Variants in EPHB2 observed in about 807,000 individuals in gnomAD.
The protein encoded by EPHB2 is ephrin type-B receptor 2.
EPHB2 carries 18 observed loss-of-function variants against 96.4 expected under a neutral mutation model. The observed-to-expected ratio is 0.19, with a 90% CI of 0.13 to 0.28. The LOEUF (loss-of-function observed/expected upper bound fraction) is 0.28, where lower values mean the gene tolerates loss of function less well. Among genes scored for constraint, EPHB2 ranks in the 10% least tolerant of loss-of-function variants. The pLI, the probability that EPHB2 is intolerant of heterozygous loss-of-function variation, is 1.00. For missense variants in EPHB2, 989 were observed against 1,355.4 expected, an observed-to-expected ratio of 0.73 and a Z score of 4.25; for synonymous variants, 506 against 534.1, an observed-to-expected ratio of 0.95 and a Z score of 0.72.
At chr1:22,794,396 C>T (rs971687899) in intron 3 of EPHB2, among the ~76,000 whole-genome samples, 8 of 152,124 alleles carry the variant, frequency 5.3e-5, no homozygotes, top group Admixed American at 2.0e-4. Context: ...GGCTTCCCCA[C>T]CCTGGCTGAC....
intron 3 of EPHB2, among the ~76,000 whole-genome samples, chr1:22,852,369 C>T (rs1302707598): frequency 2.6e-5 from 4 of 152,210 alleles, no homozygotes; most frequent in South Asian, 4.1e-4. Context: ...GCTTGGTCAA[C>T]GCTGCCTGCC....
At chr1:22,727,627 T>G (rs1038301078) in intron 1 of EPHB2, among the ~76,000 whole-genome samples, 4 of 152,074 alleles carry the variant, frequency 2.6e-5, no homozygotes, top group Non-Finnish European at 5.9e-5. Flanking sequence ...CACACAGAGA[T>G]AGTGGCACGG....
At position 22,720,924 on chromosome 1, in the gene EPHB2, C is replaced by T. The variant is rs567092500; in HGVS notation, c.61+9881C>T. On this transcript the variant is annotated intron_variant, in intron 1 of 15. Coordinates refer to ENST00000374630, the MANE Select transcript of EPHB2 (RefSeq NM_017449.5). Reference sequence around the variant, plus strand: ...GTGGGATTGAACTGAAAAGATGGGTCCCTGGTGCTCCTGTGGCCTGGGGCA... The same window carrying T: ...GTGGGATTGAACTGAAAAGATGGGTTCCTGGTGCTCCTGTGGCCTGGGGCA... 2.6e-5 allele frequency among the ~76,000 whole-genome samples: 4 copies of T among 152,170 alleles called. No homozygotes were observed. In the South Asian group the frequency reaches 8.3e-4, roughly 32 times the overall value.
intron 3 of EPHB2, among the ~76,000 whole-genome samples, chr1:22,808,148 GAAAA>G (rs1433624556): frequency 6.6e-6 from 1 of 150,772 alleles, no homozygotes; most frequent in East Asian, 1.9e-4. Context: ...AAAAGAAAAA[GAAAA>G]AGAAAAGAAA....
At position 22,913,263 on chromosome 1, in the gene EPHB2, T is replaced by G; in HGVS notation, c.2853-199T>G. On this transcript the variant is annotated intron_variant, in intron 15 of 15. Transcript: ENST00000374630. This position sits in a 1 kb window ranked among gnomAD's most constrained non-coding sequence, Gnocchi z 4.1. The stretch of plus-strand genomic sequence containing the variant: ...GGGAGAGAAGGCCCCCTAGGGACCC[T>G]GATTCCGACTCAAGTGCTCTTCCAC... 2 of 661,044 alleles carry G rather than the reference T, an allele frequency of 3.0e-6. No individual in the cohort carries two copies. The highest frequency in any genetic ancestry group is 3.7e-5 in the South Asian group (2 of 54,792). 40.9% of individuals were successfully genotyped at this position (661,044 alleles called of 1,614,324 possible).
At chr1:22,874,578 G>A (rs765086765) in intron 5 of EPHB2, among the ~76,000 whole-genome samples, 2 of 152,194 alleles carry the variant, frequency 1.3e-5, no homozygotes, top group African/African-American at 4.8e-5. Context: ...TCTCAGCCCT[G>A]CTGCCTGGGG....
intron 3 of EPHB2, among the ~76,000 whole-genome samples, chr1:22,834,139 G>T (rs1189177285): frequency 1.3e-5 from 2 of 151,950 alleles, no homozygotes; most frequent in African/African-American, 2.4e-5. Flanking sequence ...AAAAATCAAT[G>T]GAGTAAGTAG....
At chr1:22,907,220 GCAC>G (rs1466217653) in intron 11 of EPHB2, among the ~76,000 whole-genome samples, 1 of 152,194 alleles carries the variant, frequency 6.6e-6, no homozygotes, top group Non-Finnish European at 1.5e-5. Flanking sequence ...ATCAGAGTTG[GCAC>G]ACATCTGAAA....
chr1:22,766,682 C>T (rs1431877782), intron 1 of EPHB2, among the ~76,000 whole-genome samples: 1 of 152,188 alleles, frequency 6.6e-6, no homozygotes, highest in Non-Finnish European at 1.5e-5. Flanking sequence ...GACCACCCAC[C>T]ACACACCCCA....
intron 1 of EPHB2, among the ~76,000 whole-genome samples, chr1:22,762,046 T>A (rs1293167175): frequency 2.6e-5 from 4 of 152,230 alleles, no homozygotes; most frequent in Non-Finnish European, 4.4e-5. Context: ...TCAATTGGGA[T>A]TCCGAGCGGG....
rs1383630036 is a variant in EPHB2, at chr1:22,906,219, G to A, written c.1888+110G>A. 1 of 1,544,262 alleles carries A rather than the reference G, an allele frequency of 6.5e-7. No individual in the cohort carries two copies. Among genetic ancestry groups the A allele is most frequent in the Non-Finnish European group, 8.8e-7 (1 of 1,134,158 alleles). On this transcript the variant is annotated intron_variant, in intron 10 of 15. Transcript: ENST00000374630. This position sits in a 1 kb window ranked among gnomAD's most constrained non-coding sequence, Gnocchi z 4.8. ...TAGGATGTGGGACAGGCGCCTCAAA[G>A]GACCCCCCAAGGCCTGAAGGTTCAG...
intron 3 of EPHB2, among the ~76,000 whole-genome samples, chr1:22,841,744 G>A (rs768215192): frequency 7.9e-5 from 12 of 152,172 alleles, no homozygotes; most frequent in African/African-American, 1.2e-4. Flanking sequence ...ATGCCCTGTC[G>A]GCCCCATGGT....
chr1:22,904,874 G>C (rs925810832), intron 9 of EPHB2, among the ~76,000 whole-genome samples: 2 of 152,238 alleles, frequency 1.3e-5, no homozygotes, highest in Non-Finnish European at 2.9e-5. Context: ...ACACAGCTGA[G>C]CAGGGTTGAT....
At chr1:22,766,206 T>C (rs912328542) in intron 1 of EPHB2, among the ~76,000 whole-genome samples, 2 of 152,148 alleles carry the variant, frequency 1.3e-5, no homozygotes, top group Admixed American at 6.5e-5. Flanking sequence ...TACCACTGCC[T>C]CCCTGGTGAC....
chr1:22,804,730 A>C (rs903210521), intron 3 of EPHB2, among the ~76,000 whole-genome samples: 32 of 129,858 alleles, frequency 2.5e-4, no homozygotes, highest in South Asian at 5.1e-4. Flanking sequence ...CTTCCCTCCC[A>C]CCTGCCTCTT....
chr1:22,869,905 A>G (rs537172762), intron 5 of EPHB2, among the ~76,000 whole-genome samples: 74 of 152,198 alleles, frequency 4.9e-4, no homozygotes, highest in African/African-American at 1.6e-3. Context: ...GCAGCACACA[A>G]TGGGTCTGCT....
At chr1:22,786,878 G>C (rs1005836134) in intron 3 of EPHB2, among the ~76,000 whole-genome samples, 2 of 152,234 alleles carry the variant, frequency 1.3e-5, no homozygotes, top group Non-Finnish European at 2.9e-5. Flanking sequence ...GAAAGGGCTG[G>C]TTTCTTGGGG....
chr1:22,739,566 C>G (rs538803115), intron 1 of EPHB2, among the ~76,000 whole-genome samples: 1 of 152,282 alleles, frequency 6.6e-6, no homozygotes, highest in Admixed American at 6.5e-5. Flanking sequence ...TTCCATTTCA[C>G]CACATCACCC....
intron 3 of EPHB2, among the ~76,000 whole-genome samples, chr1:22,805,209 G>A (rs1644907335): frequency 6.6e-6 from 1 of 152,110 alleles, no homozygotes; most frequent in African/African-American, 2.4e-5. Context: ...AGGGGGCCTG[G>A]CCTGTTGATT....
Sources: allele counts gnomAD v4.1 joint callset (sites outside exome capture counted in the v4.1 genomes callset), GRCh38; gene constraint gnomAD v4.1.1; non-coding constraint Gnocchi (gnomAD v3.1); transcripts MANE v1.5; gene names NCBI Gene and HGNC (gene_info 2026-07-23, HGNC 2026-07-21).